The following SCHIP1 variants were observed in gnomAD, a reference collection of about 807,000 sequenced individuals.
The protein encoded by SCHIP1 is schwannomin interacting protein 1, also known as schwannomin-interacting protein 1.
A neutral mutation model predicts 29.7 loss-of-function variants in SCHIP1; 8 were observed. The ratio of observed to expected loss-of-function variants is 0.27; its 90% CI spans 0.16 to 0.49. SCHIP1 has a LOEUF of 0.49. Among genes scored for constraint, SCHIP1 ranks in the 20% least tolerant of loss-of-function variants. The pLI is 0.99. For synonymous variants in SCHIP1, 76 were observed against 94.9 expected, an observed-to-expected ratio of 0.80 and a Z score of 1.16; for missense variants, 193 against 294.6, an observed-to-expected ratio of 0.66 and a Z score of 2.52.
At chr3:159,276,483 A>G in the SCHIP1 span, among the ~76,000 whole-genome samples, 53 of 152,310 alleles carry the variant, frequency 3.5e-4, no homozygotes, top group African/African-American at 1.1e-3. Flanking sequence ...TTGATGATTC[A>G]TCATAAAACT....
the SCHIP1 span, among the ~76,000 whole-genome samples, chr3:159,606,336 A>G: frequency 1.3e-5 from 2 of 152,174 alleles, no homozygotes; most frequent in Non-Finnish European, 2.9e-5. Context: ...AAAATACAGT[A>G]CCAATTCAAC....
the SCHIP1 span, among the ~76,000 whole-genome samples, chr3:159,711,934 G>A: frequency 2.6e-4 from 39 of 150,740 alleles, 1 homozygote; most frequent in Middle Eastern, 3.4e-3. Context: ...CTAGGGATTA[G>A]GAAGATATTG....
the SCHIP1 span, among the ~76,000 whole-genome samples, chr3:159,588,475 T>C: frequency 2.0e-5 from 3 of 152,230 alleles, no homozygotes; most frequent in African/African-American, 4.8e-5. Flanking sequence ...TTTAATTAGA[T>C]CCCATTTGTC....
At chr3:159,393,085 G>T in the SCHIP1 span, among the ~76,000 whole-genome samples, 6 of 152,138 alleles carry the variant, frequency 3.9e-5, no homozygotes, top group Non-Finnish European at 7.4e-5. Flanking sequence ...ATTTTTTCAT[G>T]TGTCTTTTGG....
At chr3:159,556,005 G>A in the SCHIP1 span, among the ~76,000 whole-genome samples, 5 of 152,228 alleles carry the variant, frequency 3.3e-5, no homozygotes, top group African/African-American at 7.2e-5. Flanking sequence ...ACAATGGCAC[G>A]TGTATACCTA....
At chr3:159,390,212 T>C in the SCHIP1 span, among the ~76,000 whole-genome samples, 1 of 152,104 alleles carries the variant, frequency 6.6e-6, no homozygotes, top group Admixed American at 6.6e-5. Flanking sequence ...ATAGGACTTT[T>C]GTGAAAGTTA....
At chr3:159,740,414 T>C in the SCHIP1 span, among the ~76,000 whole-genome samples, 1 of 152,112 alleles carries the variant, frequency 6.6e-6, no homozygotes, top group Non-Finnish European at 1.5e-5. Context: ...GGAGAATGGA[T>C]GCTGGGCAGG....
intron 1 of SCHIP1, among the ~76,000 whole-genome samples, chr3:159,851,733 A>G (rs1270903198): frequency 6.6e-6 from 1 of 152,188 alleles, no homozygotes; most frequent in Non-Finnish European, 1.5e-5. Context: ...TGGGAGCAGC[A>G]GTCTGTGGCC....
the SCHIP1 span, among the ~76,000 whole-genome samples, chr3:159,412,286 C>G: frequency 3.3e-5 from 5 of 152,198 alleles, no homozygotes; most frequent in African/African-American, 1.2e-4. Flanking sequence ...ATGTCTACCA[C>G]AGATTAGACT....
At chr3:159,488,896 C>T in the SCHIP1 span, among the ~76,000 whole-genome samples, 1 of 152,152 alleles carries the variant, frequency 6.6e-6, no homozygotes, top group Admixed American at 6.5e-5. Context: ...AATTCTGCTC[C>T]TGATTCTGGA....
At chr3:159,606,512 A>G in the SCHIP1 span, among the ~76,000 whole-genome samples, 1 of 152,154 alleles carries the variant, frequency 6.6e-6, no homozygotes, top group Non-Finnish European at 1.5e-5. Context: ...CAGAATATCT[A>G]CTAATAGCTT....
chr3:159,755,978 T>A, the SCHIP1 span, among the ~76,000 whole-genome samples: 1 of 152,270 alleles, frequency 6.6e-6, no homozygotes, highest in African/African-American at 2.4e-5. Context: ...CTTTGCAGGA[T>A]GCAGCCTCCC....
chr3:159,887,964 G>C, intron 4 of SCHIP1, 59 bp downstream of exon 5: 2 of 1,587,308 alleles, frequency 1.3e-6, no homozygotes, highest in Non-Finnish European at 1.7e-6. Flanking sequence ...GGTTGACACT[G>C]TCCCAGTCCT....
chr3:159,711,746 A>C, the SCHIP1 span, among the ~76,000 whole-genome samples: 1 of 152,194 alleles, frequency 6.6e-6, no homozygotes, highest in African/African-American at 2.4e-5. Context: ...TTAAGCATAA[A>C]GGGCAAAGGG....
chr3:159,355,781 G>A, the SCHIP1 span, among the ~76,000 whole-genome samples: 1 of 151,902 alleles, frequency 6.6e-6, no homozygotes, highest in Admixed American at 6.6e-5. Context: ...ATTTGACCTG[G>A]ACAATTTAAA....
At chr3:159,433,414 G>A in the SCHIP1 span, among the ~76,000 whole-genome samples, 1 of 152,148 alleles carries the variant, frequency 6.6e-6, no homozygotes, top group Non-Finnish European at 1.5e-5. Context: ...GAGCAGGGCT[G>A]GTGCCAGGTT....
chr3:159,862,229 T>C (rs1319497316), intron 1 of SCHIP1, among the ~76,000 whole-genome samples: 1 of 152,220 alleles, frequency 6.6e-6, no homozygotes, highest in Admixed American at 6.5e-5. Context: ...ATCCTCTGCA[T>C]GGTACCCACC....
At chr3:159,361,308 AT>A in the SCHIP1 span, among the ~76,000 whole-genome samples, 1 of 152,212 alleles carries the variant, frequency 6.6e-6, no homozygotes, top group African/African-American at 2.4e-5. Flanking sequence ...TAGAAAGGCA[AT>A]TAGTTATGAA....
chr3:159,643,985 T>C, the SCHIP1 span, among the ~76,000 whole-genome samples: 3 of 152,190 alleles, frequency 2.0e-5, no homozygotes, highest in South Asian at 6.2e-4. Context: ...TTGAACATGC[T>C]CTTTGCTTTT....
Sources: allele counts gnomAD v4.1 joint callset (sites outside exome capture counted in the v4.1 genomes callset), GRCh38; gene constraint gnomAD v4.1.1; transcripts MANE v1.5; gene names NCBI Gene and HGNC (gene_info 2026-07-23, HGNC 2026-07-21).